ANK2: variants seen among roughly 807,000 people sequenced by gnomAD.
ANK2 encodes ankyrin 2, also known as ankyrin-2.
In ANK2, 83 loss-of-function variants were observed where a neutral mutation model predicts 360.5. The ratio of observed to expected loss-of-function variants is 0.23; its 90% CI spans 0.19 to 0.28. The LOEUF is 0.28. ANK2 is among the 10% of genes least tolerant of loss of function. ANK2 has a pLI of 1.00. For missense variants in ANK2, 4,201 were observed against 4,795.7 expected (o/e 0.88, Z 3.66); for synonymous variants, 1,740 against 1,759.5 (o/e 0.99, Z 0.28).
the ANK2 span, among the ~76,000 whole-genome samples, chr4:112,717,134 G>A: frequency 3.9e-3 from 586 of 152,172 alleles, 7 homozygotes; most frequent in African/African-American, 0.014. Flanking sequence ...ATAATGAATG[G>A]TATCTTGCCA....
At chr4:112,730,519 C>A in the ANK2 span, among the ~76,000 whole-genome samples, 2 of 150,298 alleles carry the variant, frequency 1.3e-5, no homozygotes, top group Non-Finnish European at 3.0e-5. Flanking sequence ...CACCAGTAAT[C>A]CCAGCTACTT....
the ANK2 span, among the ~76,000 whole-genome samples, chr4:112,755,389 G>A: frequency 2.0e-5 from 3 of 152,240 alleles, no homozygotes; most frequent in Admixed American, 6.5e-5. Flanking sequence ...GGCTTTGTGT[G>A]AGCAACAAGG....
chr4:112,834,933 C>T (rs1350202032), intron 1 of ANK2, among the ~76,000 whole-genome samples: 4 of 152,174 alleles, frequency 2.6e-5, no homozygotes, highest in East Asian at 3.8e-4. Flanking sequence ...TGTGGTTCAA[C>T]TTGTTCCTCT....
chr4:112,736,334 G>A, the ANK2 span, among the ~76,000 whole-genome samples: 1 of 151,950 alleles, frequency 6.6e-6, no homozygotes, highest in Non-Finnish European at 1.5e-5. Flanking sequence ...GTGGCAGCCT[G>A]CGCCTATATA....
At chr4:112,885,579 G>A (rs2078081178) in intron 1 of ANK2, among the ~76,000 whole-genome samples, 1 of 151,400 alleles carries the variant, frequency 6.6e-6, no homozygotes, top group Non-Finnish European at 1.5e-5. Flanking sequence ...GGCAGATCAC[G>A]AGGTCAGGAG....
At chr4:113,214,184 C>T (rs1169467790) in intron 4 of ANK2, 1 of 730,708 alleles carries the variant, frequency 1.4e-6, no homozygotes, top group Non-Finnish European at 2.4e-6. Context: ...AGTAATGTAG[C>T]TTCACATACA....
chr4:112,864,987 G>C (rs1000485845), intron 1 of ANK2, among the ~76,000 whole-genome samples: 46 of 127,236 alleles, frequency 3.6e-4, no homozygotes, highest in Middle Eastern at 0.011. Context: ...AGCCGAGATC[G>C]CGCCACTGCA....
intron 1 of ANK2, among the ~76,000 whole-genome samples, chr4:113,084,914 T>G (rs1012249772): frequency 6.6e-6 from 1 of 152,222 alleles, no homozygotes; most frequent in Non-Finnish European, 1.5e-5. Flanking sequence ...CAAGTGTTCT[T>G]AGCCCCTTTT....
chr4:113,081,632 G>A (rs79911383), intron 1 of ANK2, among the ~76,000 whole-genome samples: 2,506 of 151,960 alleles, frequency 0.016, 57 homozygotes, highest in East Asian at 0.092. Flanking sequence ...CTCCTACTTT[G>A]GAATCAGGGT....
At chr4:113,233,178 A>G (rs1017833365) in intron 5 of ANK2, among the ~76,000 whole-genome samples, 17 of 108,036 alleles carry the variant, frequency 1.6e-4, no homozygotes, top group African/African-American at 5.8e-4. Flanking sequence ...TCTGTCGCCC[A>G]GGCTGGAGTG....
chr4:113,170,938 A>G (rs1298335363), intron 1 of ANK2, among the ~76,000 whole-genome samples: 1 of 152,184 alleles, frequency 6.6e-6, no homozygotes, highest in Non-Finnish European at 1.5e-5. Context: ...GAGTTTGACT[A>G]TGGGCATCAG....
At chr4:113,043,842 C>A (rs1360019441) in intron 2 of ANK2, among the ~76,000 whole-genome samples, 1 of 152,008 alleles carries the variant, frequency 6.6e-6, no homozygotes, top group East Asian at 1.9e-4. Context: ...GGAAGAGAGG[C>A]AGGAGGAAAA....
intron 1 of ANK2, among the ~76,000 whole-genome samples, chr4:113,132,250 C>T (rs908135943): frequency 1.3e-4 from 19 of 151,984 alleles, no homozygotes; most frequent in African/African-American, 4.3e-4. Flanking sequence ...ACATATTTAT[C>T]TGTATTCTAT....
chr4:113,178,962 TA>T (rs2098322275), intron 2 of ANK2, among the ~76,000 whole-genome samples: 1 of 152,198 alleles, frequency 6.6e-6, no homozygotes, highest in Non-Finnish European at 1.5e-5. Context: ...TCCTTTATCT[TA>T]AAGCTCAAAA....
At chr4:113,317,643 AT>A in intron 24 of ANK2, 63 bp from the exon 25 acceptor site, 1 of 1,302,384 alleles carries the variant, frequency 7.7e-7, no homozygotes, top group Non-Finnish European at 1.1e-6. Context: ...TCGGCTCATC[AT>A]TTTGTCATCC....
At chr4:112,930,633 A>T (rs1231014695) in intron 2 of ANK2, among the ~76,000 whole-genome samples, 1 of 152,028 alleles carries the variant, frequency 6.6e-6, no homozygotes, top group Non-Finnish European at 1.5e-5. Flanking sequence ...CCATGCCTGT[A>T]ATCCCAGGAC....
In ANK2 at chr4:113,198,862, AT is replaced by A. The variant is rs1169421578; in HGVS notation, c.286-148del. ...CAATTTTTTTTTTTGATGGTAAAAA[AT>A]AATCTCTTCGTAAGTGGGCTACTAT... On this transcript the variant is annotated intron_variant, in intron 3 of 45. Transcript: ENST00000357077. The A allele has an allele frequency of 4.5e-6, 3 of 666,072 alleles. No individual in the cohort carries two copies. The East Asian group carries it at 8.4e-5, about 19-fold the overall frequency. The allele number at this position is 666,072 out of a possible 1,614,324, so 41.3% of individuals were successfully genotyped here.
chr4:113,353,601 G>T lies in ANK2; in HGVS notation c.4983G>T (p.Lys1661Asn), dbSNP rs908995394. The T allele has an allele frequency of 6.2e-7, 1 of 1,614,018 alleles. No homozygotes were observed. The change falls in exon 38 of 46, where the codon AAG (lysine) becomes AAT (asparagine). Residue 1661 changes from lysine (K) to asparagine (N), a missense_variant. Physicochemically the swap from Lys to Asn is moderately conservative, Grantham distance 94 (BLOSUM62 0). Around this residue, in one of 4 missense-constraint regions of ANK2, gnomAD observed 1,268 missense variants for 1,650.8 expected, o/e 0.77. Transcript: ENST00000357077. ...PKEQLQTVQD[K>N]AGKKCEALAV... is the part of the protein sequence containing the mutation. ...AGCAGCTGCAGACAGTTCAAGATAA[G>T]GCAGGGAAGAAATGTGAGGCTCTGG...
chr4:112,777,439 C>A, the ANK2 span, among the ~76,000 whole-genome samples: 1 of 152,058 alleles, frequency 6.6e-6, no homozygotes, highest in African/African-American at 2.4e-5. Context: ...GACAGGGTTT[C>A]ACCGTGTTGG....
Sources: allele counts gnomAD v4.1 joint callset (sites outside exome capture counted in the v4.1 genomes callset), GRCh38; gene constraint gnomAD v4.1.1; regional missense constraint gnomAD v4.1.1; transcripts MANE v1.5; gene names NCBI Gene and HGNC (gene_info 2026-07-23, HGNC 2026-07-21).